Variants in MARS1 observed in about 807,000 individuals in gnomAD.
MARS1 encodes the protein methionyl-tRNA synthetase 1, also known as methionine--tRNA ligase, cytoplasmic.
In MARS1, 80 loss-of-function variants were observed where a neutral mutation model predicts 119.5. The ratio of observed to expected loss-of-function variants is 0.67; its 90% confidence interval spans 0.56 to 0.81. The LOEUF (loss-of-function observed/expected upper bound fraction) is 0.81, where lower values mean the gene tolerates loss of function less well. MARS1 is among the 30% of genes least tolerant of loss of function. The pLI is 0.00. For missense variants in MARS1, 945 were observed against 1,116.5 expected, an observed-to-expected ratio of 0.85 and a Z score of 2.19; for synonymous variants, 418 against 433.4, an observed-to-expected ratio of 0.96 and a Z score of 0.44.
chr12:57,513,050 G>GAAAATGGGCAGGAGGCTGA (rs1309407145), intron 15 of MARS1, 86 bp downstream of exon 15: 157 of 1,141,332 alleles, frequency 1.4e-4, no homozygotes, highest in Admixed American at 3.0e-4. Context: ...GAGAGAACTA[G>GAAAATGGGCAGGAGGCTGA]AAAATGGGCA....
In MARS1 at chr12:57,515,281, G is replaced by C. The variant is rs756986496; in HGVS notation, c.2336G>C (p.Ser779Thr). Residue 779 changes from serine to threonine, a missense_variant, in exon 18 of 21, where the codon AGT becomes ACT. Ser to Thr is a moderately conservative substitution (Grantham distance 58). Transcript: ENST00000262027. ...AQLQLPPPACSILLTNFLCTL... is the reference protein window; with the variant it reads ...AQLQLPPPACTILLTNFLCTL... ...CTGCAGCTCCCACCTCCAGCCTGCA[G>C]TATCCTGCTGACAAACTTCCTGTGT... The C allele has an allele frequency of 3.1e-6, 5 of 1,613,768 alleles. No homozygotes were observed. The highest frequency in any genetic ancestry group is 4.2e-6 in the Non-Finnish European group (5 of 1,180,040).
chr12:57,500,975 A>G (rs1405288211), intron 10 of MARS1, among the ~76,000 whole-genome samples: 1 of 152,232 alleles, frequency 6.6e-6, no homozygotes, highest in Non-Finnish European at 1.5e-5. Flanking sequence ...GACCAACACT[A>G]ACTAAGGAAA....
intron 7 of MARS1, among the ~76,000 whole-genome samples, chr12:57,495,986 C>T (rs546462476): frequency 2.6e-5 from 4 of 152,096 alleles, no homozygotes; most frequent in Non-Finnish European, 4.4e-5. Flanking sequence ...AGAGGGAGAC[C>T]GTGGAAAGTG....
chr12:57,498,111 C>T, intron 7 of MARS1, 46 bp from the exon 8 acceptor site: 1 of 1,262,720 alleles, frequency 7.9e-7, no homozygotes, highest in Admixed American at 1.7e-5. Flanking sequence ...TCCCTGTTGA[C>T]CCTCACATCC....
chr12:57,501,442 T>C (rs1226186362), intron 10 of MARS1, among the ~76,000 whole-genome samples: 1 of 152,200 alleles, frequency 6.6e-6, no homozygotes, highest in African/African-American at 2.4e-5. Context: ...CCCAGCACTT[T>C]GGGAGGCCAA....
At chr12:57,506,033 C>T (rs913728974) in intron 11 of MARS1, among the ~76,000 whole-genome samples, 2 of 150,624 alleles carry the variant, frequency 1.3e-5, no homozygotes, top group African/African-American at 4.9e-5. Flanking sequence ...CTAGGTGGGC[C>T]GATGACTTGA....
rs1565639709 is a variant in MARS1 at position 57,493,404 on chromosome 12, GTT to G, written c.770+2761_770+2762del. On this transcript the variant is annotated intron_variant, in intron 7 of 20. Transcript: ENST00000262027. ...ATATAATATATTATATATAATATATGTTATATAATATATTATATGATATGTAT... is the reference window on the plus strand; with the variant it reads ...ATATAATATATTATATATAATATATGATATAATATATTATATGATATGTAT... 2.4e-3 allele frequency among the ~76,000 whole-genome samples: 2 copies of G among 822 alleles called. 1 individual carries two copies. The highest frequency in any genetic ancestry group is 0.019 in the Non-Finnish European group (2 of 104). The allele number at this position is 822 out of a possible 152,430, so 0.5% of individuals were successfully genotyped here.
In MARS1 at chr12:57,488,183, C is replaced by T; in HGVS notation, c.93C>T (p.Ser31=). ...GGGGCAGAGCAGAGGTGCTCATCAG[C>T]ACTGTAGGCCCGGAAGGTACTCGTG... ...RARGRAEVLI[S]TVGPEDCVVP... The change falls in exon 1 of 21, where the codon AGC becomes AGT. Residue 31 remains serine, a synonymous_variant. Transcript: ENST00000262027. 1 of 1,613,284 alleles carries T rather than the reference C, an allele frequency of 6.2e-7. No individual in the cohort carries two copies. Among genetic ancestry groups the T allele is most frequent in the Non-Finnish European group, 8.5e-7 (1 of 1,179,406 alleles).
intron 15 of MARS1, among the ~76,000 whole-genome samples, chr12:57,513,824 A>G (rs1359526708): frequency 6.6e-6 from 1 of 151,814 alleles, no homozygotes; most frequent in Non-Finnish European, 1.5e-5. Context: ...TTGGTAATTA[A>G]CCACATTTAA....
chr12:57,488,896 TG>T, intron 1 of MARS1, 122 bp from the exon 2 acceptor site: 1 of 848,522 alleles, frequency 1.2e-6, no homozygotes, highest in Non-Finnish European at 1.9e-6. Context: ...CTGGAACTTC[TG>T]GGTTGAGACT....
rs996751453 is a variant in MARS1 at position 57,495,605 on chromosome 12, C to T, written c.771-2552C>T. Among the ~76,000 whole-genome samples the T allele has an allele frequency of 8.7e-5, 13 of 149,072 alleles. No individual in the cohort carries two copies. In the South Asian group the frequency reaches 1.1e-3, roughly 12 times the overall value. On this transcript the variant is annotated intron_variant, in intron 7 of 20. Coordinates refer to ENST00000262027, the MANE Select transcript of MARS1 (RefSeq NM_004990.4). ...CTCACTTCCCAGACGGGGTGGCGGC[C>T]GGGCAGAGGCTGCAATCTTGGCACT...
chr12:57,489,297 A>C lies in MARS1; in HGVS notation c.231A>C (p.Gln77His). ...RYFFLLSGWE[Q>H]DDLTNQWLEW... ...TTTTTTTGTTATCTGGCTGGGAGCA[A>C]GATGACCTCACTAACCAGTGGCTGG... The change falls in exon 3 of 21, where the codon CAA (glutamine) becomes CAC (histidine). Residue 77 changes from glutamine to histidine, a missense_variant. Coordinates refer to ENST00000262027, the MANE Select transcript of MARS1 (RefSeq NM_004990.4). The C allele has an allele frequency of 6.2e-7, 1 of 1,613,904 alleles. No homozygotes were observed. The highest frequency in any genetic ancestry group is 8.5e-7 in the Non-Finnish European group (1 of 1,180,016).
intron 1 of MARS1, 187 bp downstream of exon 1, chr12:57,488,386 C>G: frequency 1.4e-6 from 1 of 720,624 alleles, no homozygotes; most frequent in East Asian, 2.7e-5. Flanking sequence ...CTTTAATTAC[C>G]CTCAATATAA....
chr12:57,499,320 G>A (rs1367319101), intron 9 of MARS1, among the ~76,000 whole-genome samples: 2 of 149,850 alleles, frequency 1.3e-5, no homozygotes, highest in Non-Finnish European at 3.0e-5. Flanking sequence ...CTGGGGCTGG[G>A]CGCGGTGGCT....
In MARS1 at chr12:57,504,234, T is replaced by A; in HGVS notation, c.1303T>A (p.Cys435Ser). 1.2e-6 allele frequency: 2 copies of A among 1,614,012 alleles called. No homozygotes were observed. The highest frequency in any genetic ancestry group is 1.7e-6 in the Non-Finnish European group (2 of 1,179,896). ...INAVELKKPQCKVCRSCPVVQ... is the reference protein window; with the variant it reads ...INAVELKKPQSKVCRSCPVVQ... ...GAATTTTCCTTCGCAGAAGCCTCAG[T>A]GTAAAGTCTGCCGATCATGCCCTGT... is the stretch of plus-strand genomic sequence containing the variant. The change falls in exon 11 of 21, where the codon TGT (cysteine) becomes AGT (serine). Residue 435 changes from cysteine (C) to serine (S), a missense_variant. Cys to Ser is a moderately radical substitution (Grantham distance 112). Coordinates refer to ENST00000262027, the MANE Select transcript of MARS1 (RefSeq NM_004990.4).
At position 57,488,192 on chromosome 12, in the gene MARS1, C is replaced by T; in HGVS notation, c.102C>T (p.Gly34=). 1.2e-6 allele frequency: 2 copies of T among 1,611,350 alleles called. No homozygotes were observed. Among genetic ancestry groups the T allele is most frequent in the Non-Finnish European group, 8.5e-7 (1 of 1,177,970 alleles). Residue 34 remains glycine (G), a synonymous_variant, in exon 1 of 21, where the codon GGC becomes GGT. Transcript: ENST00000262027. ...CAGAGGTGCTCATCAGCACTGTAGG[C>T]CCGGAAGGTACTCGTGCTGGTGCTG... ...GRAEVLISTV[G]PEDCVVPFLT...
At chr12:57,488,578 C>G in intron 1 of MARS1, 1 of 1,550,966 alleles carries the variant, frequency 6.4e-7, no homozygotes, top group Non-Finnish European at 8.7e-7. Context: ...CCTCTCTCCC[C>G]TCCTAACACA....
In MARS1 at chr12:57,494,883, A is replaced by G. The variant is rs753874239; in HGVS notation, c.771-3274A>G. 1.8e-3 allele frequency among the ~76,000 whole-genome samples: 271 copies of G among 152,294 alleles called. 1 individual carries two copies. The highest frequency in any genetic ancestry group is 3.0e-3 in the Non-Finnish European group (201 of 68,010). On this transcript the variant is annotated intron_variant, in intron 7 of 20. Transcript: ENST00000262027. ...AGAATTTTTCTTAGTACAGAACAAAATGGAGTCTCCTATGTCTACTTCTTT... is the reference window on the plus strand; with the variant it reads ...AGAATTTTTCTTAGTACAGAACAAAGTGGAGTCTCCTATGTCTACTTCTTT...
chr12:57,512,573 A>G, intron 14 of MARS1, 178 bp from the exon 15 acceptor site: 1 of 646,680 alleles, frequency 1.5e-6, no homozygotes. Flanking sequence ...AAGAGAAAAA[A>G]GGGCCAGAAT....
Sources: allele counts gnomAD v4.1 joint callset (sites outside exome capture counted in the v4.1 genomes callset), GRCh38; gene constraint gnomAD v4.1.1; transcripts MANE v1.5; gene names NCBI Gene and HGNC (gene_info 2026-07-23, HGNC 2026-07-21).